Variants in CELF4 observed in about 807,000 individuals in gnomAD.
CELF4 encodes the protein CUG-BP- and ETR-3-like factor 4.
Under a neutral mutation model 59.9 loss-of-function variants are expected in CELF4, and 18 were observed. That is an observed-to-expected ratio of 0.30 (90% CI 0.21 to 0.45). The LOEUF is 0.45. Ranked by LOEUF, CELF4 falls within the 20% of genes least tolerant of loss-of-function variation. The pLI, the probability that CELF4 is intolerant of heterozygous loss-of-function variation, is 1.00. For synonymous variants in CELF4, 261 were observed against 267.1 expected (o/e 0.98, Z 0.22); for missense variants, 456 against 689.0 (o/e 0.66, Z 3.79).
At chr18:37,402,394 A>G (rs1257317662) in intron 2 of CELF4, among the ~76,000 whole-genome samples, 1 of 152,130 alleles carries the variant, frequency 6.6e-6, no homozygotes, top group South Asian at 2.1e-4. Context: ...GCTCACCTCC[A>G]TGGACCTATC....
intron 1 of CELF4, among the ~76,000 whole-genome samples, chr18:37,543,209 G>A (rs979188135): frequency 5.9e-5 from 9 of 152,222 alleles, no homozygotes; most frequent in Admixed American, 3.3e-4. Flanking sequence ...AGCGTTCTTC[G>A]AGGTGACCCA....
chr18:37,529,372 G>T (rs1053609465), intron 1 of CELF4, among the ~76,000 whole-genome samples: 28 of 152,330 alleles, frequency 1.8e-4, no homozygotes, highest in Admixed American at 7.2e-4. Context: ...AGACTGCATG[G>T]GTCGAGGTGC....
Position 37,253,990 on chromosome 18 carries a change from C to A in CELF4, c.1334-52G>T, listed in dbSNP as rs772606337. 3.1e-5 allele frequency: 35 copies of A among 1,122,976 alleles called. No individual in the cohort carries two copies. Among genetic ancestry groups the A allele is most frequent in the Non-Finnish European group, 2.9e-5 (24 of 828,378 alleles). The allele number at this position is 1,122,976 out of a possible 1,614,324, so 69.6% of individuals were successfully genotyped here. Reference sequence around the variant, plus strand: ...TGGGTTTCCACGGGGCCGCCCGGGGCGCTGCCGGCGGGGAGGGGTCGGGGG... The same window carrying A: ...TGGGTTTCCACGGGGCCGCCCGGGGAGCTGCCGGCGGGGAGGGGTCGGGGG... On this transcript the variant is annotated intron_variant, in intron 11 of 12. Transcript: ENST00000420428. The surrounding 1 kb of genome is among the most constrained non-coding windows in gnomAD (Gnocchi z 4.5).
chr18:37,386,809 A>T (rs183618031), intron 2 of CELF4, among the ~76,000 whole-genome samples: 48 of 152,300 alleles, frequency 3.2e-4, no homozygotes, highest in African/African-American at 1.0e-3. Context: ...CCTTGACTGC[A>T]TGTTCACCTC....
intron 2 of CELF4, among the ~76,000 whole-genome samples, chr18:37,431,954 A>G (rs2099669526): frequency 6.6e-6 from 1 of 152,210 alleles, no homozygotes; most frequent in African/African-American, 2.4e-5. Context: ...AAAGCTGTAA[A>G]AGCGTGAAAT....
intron 2 of CELF4, among the ~76,000 whole-genome samples, chr18:37,353,233 A>ATATATATATAT (rs1557327922): frequency 1.1e-4 from 12 of 106,978 alleles, no homozygotes; most frequent in Non-Finnish European, 1.8e-4. Context: ...AAAAAAAAAA[A>ATATATATATAT]ATATATATAT....
At chr18:37,354,889 G>A (rs1016663733) in intron 2 of CELF4, among the ~76,000 whole-genome samples, 25 of 152,212 alleles carry the variant, frequency 1.6e-4, no homozygotes, top group Non-Finnish European at 2.1e-4. Flanking sequence ...CAGGGAAGTA[G>A]CACTTAGGCC....
At chr18:37,469,982 C>T (rs2099817205) in intron 2 of CELF4, among the ~76,000 whole-genome samples, 1 of 152,084 alleles carries the variant, frequency 6.6e-6, no homozygotes, top group African/African-American at 2.4e-5. Context: ...GGGGGATGGC[C>T]AGAGAATGAG....
chr18:37,533,366 G>A (rs932688559), intron 1 of CELF4, among the ~76,000 whole-genome samples: 8 of 152,272 alleles, frequency 5.3e-5, no homozygotes, highest in Non-Finnish European at 8.8e-5. Context: ...TTGGGAATCC[G>A]GAGTTTCTAA....
intron 1 of CELF4, among the ~76,000 whole-genome samples, chr18:37,558,538 G>A (rs1246063413): frequency 8.5e-6 from 1 of 118,204 alleles, no homozygotes; most frequent in Non-Finnish European, 1.6e-5. Context: ...ATGATGAAAG[G>A]GCTTCAGTGA....
At chr18:37,398,665 A>G (rs1453736993) in intron 2 of CELF4, among the ~76,000 whole-genome samples, 3 of 152,148 alleles carry the variant, frequency 2.0e-5, no homozygotes, top group African/African-American at 7.2e-5. Context: ...AGGGCCAGGG[A>G]CACGTACCAG....
intron 2 of CELF4, among the ~76,000 whole-genome samples, chr18:37,335,371 G>A (rs1217004193): frequency 2.0e-5 from 3 of 152,132 alleles, no homozygotes; most frequent in Non-Finnish European, 4.4e-5. Flanking sequence ...ATGTGTGCAA[G>A]GATGTGGGTG....
chr18:37,283,242 C>A lies in CELF4; in HGVS notation c.449-7999G>T, dbSNP rs79720297. Reference sequence around the variant, plus strand: ...TACCCTGAGGTTGGAGCCACCCAGGCATGACGGTCACCTTCTCGGTGCTGA... The same window carrying A: ...TACCCTGAGGTTGGAGCCACCCAGGAATGACGGTCACCTTCTCGGTGCTGA... On this transcript the variant is annotated intron_variant, in intron 3 of 12. Coordinates refer to ENST00000420428, the MANE Select transcript of CELF4 (RefSeq NM_020180.4). Among the ~76,000 whole-genome samples the A allele has an allele frequency of 1.7e-3, 265 of 151,944 alleles. 8 individuals carry two copies. In the East Asian group the frequency reaches 0.039, roughly 23 times the overall value.
At chr18:37,252,117 G>A (rs1051384764) in intron 12 of CELF4, among the ~76,000 whole-genome samples, 19 of 152,258 alleles carry the variant, frequency 1.2e-4, no homozygotes, top group Middle Eastern at 6.8e-3. Context: ...GCACTGGGTG[G>A]AAGATTTGAG....
At chr18:37,445,174 C>A (rs1354012403) in intron 2 of CELF4, among the ~76,000 whole-genome samples, 17 of 152,242 alleles carry the variant, frequency 1.1e-4, no homozygotes. Context: ...GAAAGGCTGG[C>A]GAGAGACTAG....
intron 2 of CELF4, among the ~76,000 whole-genome samples, chr18:37,415,005 G>A (rs1023597882): frequency 6.6e-6 from 1 of 152,248 alleles, no homozygotes; most frequent in African/African-American, 2.4e-5. Context: ...TTCTTGAGAT[G>A]CTTGCAGTCT....
intron 2 of CELF4, among the ~76,000 whole-genome samples, chr18:37,443,191 C>A (rs905979729): frequency 1.3e-5 from 2 of 152,158 alleles, no homozygotes; most frequent in African/African-American, 4.8e-5. Flanking sequence ...GGGGGCAACG[C>A]CCTAGCCTGT....
At chr18:37,335,587 C>T (rs1029944584) in intron 2 of CELF4, among the ~76,000 whole-genome samples, 2 of 151,532 alleles carry the variant, frequency 1.3e-5, no homozygotes, top group African/African-American at 2.4e-5. Context: ...TGTGGTCAGG[C>T]GTGGCCCCCT....
intron 2 of CELF4, among the ~76,000 whole-genome samples, chr18:37,426,329 C>G (rs1481873555): frequency 6.6e-6 from 1 of 152,198 alleles, no homozygotes; most frequent in Non-Finnish European, 1.5e-5. Context: ...AAAAAGAGAG[C>G]ATTGACCTGG....
Sources: gnomAD v4.1 joint callset for allele counts (sites outside exome capture counted in the v4.1 genomes callset) on GRCh38, gnomAD v4.1.1 for gene constraint, Gnocchi (gnomAD v3.1) non-coding constraint, MANE v1.5 for transcripts, NCBI Gene and HGNC (gene_info 2026-07-23, HGNC 2026-07-21) for gene names.